Variants in LTBP1 observed in about 807,000 individuals in gnomAD.
LTBP1 encodes latent-transforming growth factor beta-binding protein 1.
LTBP1 carries 129 observed loss-of-function variants against 207.6 expected under a neutral mutation model. That is an observed-to-expected ratio of 0.62 (90% CI 0.54 to 0.72). The LOEUF (loss-of-function observed/expected upper bound fraction) is 0.72, where lower values mean the gene tolerates loss of function less well. Among genes scored for constraint, LTBP1 ranks in the 30% least tolerant of loss-of-function variants. LTBP1 has a pLI of 0.00. For synonymous variants in LTBP1, 963 were observed against 833.7 expected, an observed-to-expected ratio of 1.16 and a Z score of -2.67; for missense variants, 2,281 against 2,217.2, an observed-to-expected ratio of 1.03 and a Z score of -0.58.
In LTBP1 at chr2:33,345,270, C is replaced by CA. The variant is rs531381775; in HGVS notation, c.3857-2096dup. ...CTCTGAACTTTTCACTCCTCACACT[C>CA]ACTGAAGCATGTACAATTATTTTGT... On this transcript the variant is annotated intron_variant, in intron 25 of 33. Transcript: ENST00000404816. Among the ~76,000 whole-genome samples the CA allele has an allele frequency of 8.4e-4, 128 of 152,338 alleles. 1 individual carries two copies. In the East Asian group the frequency reaches 0.024, roughly 28 times the overall value.
In LTBP1 at chr2:33,176,416, G is replaced by A. The variant is rs575667914; in HGVS notation, c.1202-10440G>A. 3.9e-5 allele frequency among the ~76,000 whole-genome samples: 6 copies of A among 152,034 alleles called. No homozygotes were observed. The East Asian group carries it at 1.2e-3, about 29-fold the overall frequency. ...AATTTTTTGTATTTTTAGTAGATACGGGGTTTCACCATGTTGGCCAGGATG... is the reference window on the plus strand; with the variant it reads ...AATTTTTTGTATTTTTAGTAGATACAGGGTTTCACCATGTTGGCCAGGATG... On this transcript the variant is annotated intron_variant, in intron 5 of 33. Coordinates refer to ENST00000404816, the MANE Select transcript of LTBP1 (RefSeq NM_206943.4).
chr2:33,352,253 T>C (rs2094791839), intron 26 of LTBP1, among the ~76,000 whole-genome samples: 1 of 152,108 alleles, frequency 6.6e-6, no homozygotes, highest in South Asian at 2.1e-4. Context: ...TGCCTCAGCC[T>C]CCTGGGTAGC....
At chr2:33,226,583 T>TA (rs2091450049) in intron 9 of LTBP1, among the ~76,000 whole-genome samples, 1 of 152,234 alleles carries the variant, frequency 6.6e-6, no homozygotes, top group Non-Finnish European at 1.5e-5. Context: ...CCCTGTAAAT[T>TA]GCTGGCTAGC....
At chr2:33,303,097 A>G (rs778976725) in intron 22 of LTBP1, among the ~76,000 whole-genome samples, 2 of 152,024 alleles carry the variant, frequency 1.3e-5, no homozygotes, top group African/African-American at 2.4e-5. Context: ...TCTCTAATAT[A>G]TGGGTAAATG....
At chr2:33,000,058 G>T (rs1261701531) in intron 2 of LTBP1, among the ~76,000 whole-genome samples, 1 of 134,296 alleles carries the variant, frequency 7.4e-6, no homozygotes, top group African/African-American at 2.6e-5. Flanking sequence ...CCAGGAATTT[G>T]CATTGTTAAC....
At chr2:33,297,891 GTTTTCATGATCTTATCTATCTTAAAGAGT>G (rs1307618906) in intron 20 of LTBP1, among the ~76,000 whole-genome samples, 1 of 152,120 alleles carries the variant, frequency 6.6e-6, no homozygotes, top group African/African-American at 2.4e-5. Flanking sequence ...TCTTTCCCTA[GTTTTCATGATCTTATCTATCTTAAAGAGT>G]ATAGGCCAGA....
chr2:33,169,063 C>G (rs893863731), intron 5 of LTBP1, among the ~76,000 whole-genome samples: 2 of 152,160 alleles, frequency 1.3e-5, no homozygotes, highest in Non-Finnish European at 2.9e-5. Flanking sequence ...TGTAGTCGGG[C>G]CTTGCAGATT....
At chr2:33,066,198 AT>A (rs1178011660) in intron 3 of LTBP1, among the ~76,000 whole-genome samples, 13 of 151,968 alleles carry the variant, frequency 8.6e-5, no homozygotes, top group Non-Finnish European at 1.9e-4. Flanking sequence ...TTATCTGTTA[AT>A]TTTTTCTATA....
At chr2:32,988,775 C>A (rs1405393666) in intron 2 of LTBP1, among the ~76,000 whole-genome samples, 1 of 152,198 alleles carries the variant, frequency 6.6e-6, no homozygotes, top group Non-Finnish European at 1.5e-5. Context: ...TGAGAATTTA[C>A]TGAATGCTGC....
intron 22 of LTBP1, 146 bp from the exon 23 acceptor site, chr2:33,309,288 A>C (rs1311145938): frequency 3.6e-6 from 2 of 561,766 alleles, no homozygotes. Context: ...CTCAAAAAAA[A>C]AAAAAAAAAG....
intron 24 of LTBP1, among the ~76,000 whole-genome samples, chr2:33,342,114 T>C (rs137947317): frequency 6.6e-6 from 1 of 152,300 alleles, no homozygotes; most frequent in African/African-American, 2.4e-5. Flanking sequence ...TAAAAGTCTG[T>C]TGTAACTTTG....
intron 29 of LTBP1, 105 bp from the exon 30 acceptor site, chr2:33,364,111 G>A: frequency 9.2e-7 from 1 of 1,084,872 alleles, no homozygotes; most frequent in Non-Finnish European, 1.3e-6. Context: ...AAATTTGGCA[G>A]CACCTGGAAT....
chr2:33,030,706 C>G lies in LTBP1; in HGVS notation c.863+9500C>G, dbSNP rs149695946. Among the ~76,000 whole-genome samples, 466 of 152,284 alleles carry G rather than the reference C, an allele frequency of 3.1e-3. 3 individuals are homozygous for G. Among genetic ancestry groups the G allele is most frequent in the Non-Finnish European group, 4.6e-3 (313 of 68,024 alleles). On this transcript the variant is annotated intron_variant, in intron 3 of 33. Transcript: ENST00000404816. ...TTTATGTGAAAGTAAATATGTAAGT[C>G]AGTGGCATTATGTTTATTAGATTAT... is the stretch of plus-strand genomic sequence containing the variant.
intron 31 of LTBP1, among the ~76,000 whole-genome samples, chr2:33,374,667 A>C (rs1352382033): frequency 6.6e-6 from 1 of 151,998 alleles, no homozygotes; most frequent in Non-Finnish European, 1.5e-5. Context: ...CATTGAAAGG[A>C]CTCTTGGCCC....
In LTBP1 at chr2:33,182,695, T is replaced by TACACACACAC. The variant is rs756804273; in HGVS notation, c.1202-4160_1202-4159insCACACACACA. On this transcript the variant is annotated intron_variant, in intron 5 of 33. Transcript: ENST00000404816. The stretch of plus-strand genomic sequence containing the variant: ...AAAGAAGAAAAGATGGTGATATATA[T>TACACACACAC]ATATACACACACACACACACACACA... Among the ~76,000 whole-genome samples, 13 of 84,656 alleles carry TACACACACAC rather than the reference T, an allele frequency of 1.5e-4. 1 individual carries two copies. The highest frequency in any genetic ancestry group is 6.0e-4 in the Admixed American group (5 of 8,386). The allele number at this position is 84,656 out of a possible 152,430, so 55.5% of individuals were successfully genotyped here.
At chr2:33,020,319 G>T (rs1484708513) in intron 2 of LTBP1, among the ~76,000 whole-genome samples, 1 of 152,102 alleles carries the variant, frequency 6.6e-6, no homozygotes, top group Non-Finnish European at 1.5e-5. Context: ...ACTTTTTGGG[G>T]TTGGGGATTG....
At chr2:32,978,381 T>C (rs542854084) in intron 2 of LTBP1, among the ~76,000 whole-genome samples, 2 of 152,330 alleles carry the variant, frequency 1.3e-5, no homozygotes, top group East Asian at 3.9e-4. Flanking sequence ...TTTTTTTCTA[T>C]ACCCAGTTGT....
chr2:33,037,327 A>G (rs1205275589), intron 3 of LTBP1, among the ~76,000 whole-genome samples: 1 of 152,196 alleles, frequency 6.6e-6, no homozygotes, highest in Non-Finnish European at 1.5e-5. Flanking sequence ...ATTGTGTAGT[A>G]AGTCTTGGAA....
At chr2:33,017,231 CT>C (rs1198229083) in intron 2 of LTBP1, among the ~76,000 whole-genome samples, 2 of 152,140 alleles carry the variant, frequency 1.3e-5, no homozygotes, top group East Asian at 3.8e-4. Context: ...AGATAAAACA[CT>C]TTTATCATAG....
Sources: allele counts gnomAD v4.1 joint callset (sites outside exome capture counted in the v4.1 genomes callset), GRCh38; gene constraint gnomAD v4.1.1; transcripts MANE v1.5; gene names NCBI Gene and HGNC (gene_info 2026-07-23, HGNC 2026-07-21).